ARHGAP15: variants seen among roughly 807,000 people sequenced by gnomAD.
ARHGAP15 encodes the protein Rho GTPase activating protein 15, also known as rho GTPase-activating protein 15.
Under a neutral mutation model 63.7 loss-of-function variants are expected in ARHGAP15, and 51 were observed. The ratio of observed to expected loss-of-function variants is 0.80; its 90% CI spans 0.64 to 1.01. The LOEUF is 1.01. Among genes scored for constraint, ARHGAP15 ranks in the 50% least tolerant of loss-of-function variants. The probability of loss-of-function intolerance (pLI) is 0.00; values close to 1 mark genes in which losing one functional copy is unlikely to be tolerated. For synonymous variants in ARHGAP15, 191 were observed against 193.8 expected, an observed-to-expected ratio of 0.99 and a Z score of 0.12; for missense variants, 560 against 564.6, an observed-to-expected ratio of 0.99 and a Z score of 0.08.
chr2:143,476,212 C>T (rs1047567843), intron 8 of ARHGAP15, among the ~76,000 whole-genome samples: 2 of 152,076 alleles, frequency 1.3e-5, no homozygotes, highest in African/African-American at 4.8e-5. Context: ...CTCCAAGAAG[C>T]CTGAGCTATG....
intron 6 of ARHGAP15, among the ~76,000 whole-genome samples, chr2:143,391,061 C>T (rs1307097127): frequency 6.6e-6 from 1 of 152,024 alleles, no homozygotes. Flanking sequence ...GGTGGAAGCG[C>T]GGTAGAATAT....
chr2:143,368,839 A>C (rs1408296047), intron 6 of ARHGAP15, among the ~76,000 whole-genome samples: 1 of 152,132 alleles, frequency 6.6e-6, no homozygotes, highest in African/African-American at 2.4e-5. Flanking sequence ...TATTAAGTTT[A>C]ATTTCATCCA....
Position 143,330,094 on chromosome 2 carries a change from C to CAAA in ARHGAP15, c.474+79529_474+79531dup, listed in dbSNP as rs1303438123. ...TGGGTGACAGAGCAAGGCTCTGTCTCAAAAAAAAAAAAAAAAAAAAAAAAA... is the reference window on the plus strand; with the variant it reads ...TGGGTGACAGAGCAAGGCTCTGTCTCAAAAAAAAAAAAAAAAAAAAAAAAAAAA... On this transcript the variant is annotated intron_variant, in intron 6 of 13. Coordinates refer to ENST00000295095, the MANE Select transcript of ARHGAP15 (RefSeq NM_018460.4). Among the ~76,000 whole-genome samples the CAAA allele has an allele frequency of 6.5e-3, 11 of 1,680 alleles. 1 individual carries two copies. The highest frequency in any genetic ancestry group is 0.012 in the Non-Finnish European group (9 of 726). The allele number at this position is 1,680 out of a possible 152,430, so 1.1% of individuals were successfully genotyped here.
chr2:143,305,295 G>A (rs1320989077), intron 6 of ARHGAP15: 1 of 149,114 alleles, frequency 6.7e-6, no homozygotes, highest in African/African-American at 2.5e-5. Context: ...GACACGGGGA[G>A]GGGAACATCA....
chr2:143,136,127 A>C (rs1689127230), intron 1 of ARHGAP15, among the ~76,000 whole-genome samples: 1 of 150,764 alleles, frequency 6.6e-6, no homozygotes. Context: ...CTCTCTTTTC[A>C]GGACAAGAGT....
At chr2:143,704,658 G>A (rs1229896935) in intron 13 of ARHGAP15, among the ~76,000 whole-genome samples, 2 of 152,150 alleles carry the variant, frequency 1.3e-5, no homozygotes, top group Non-Finnish European at 2.9e-5. Context: ...AGAGTGCAAC[G>A]CAAGTTATGA....
At chr2:143,530,597 T>G (rs960733767) in intron 10 of ARHGAP15, among the ~76,000 whole-genome samples, 2 of 139,798 alleles carry the variant, frequency 1.4e-5, no homozygotes, top group African/African-American at 2.7e-5. Context: ...CTTGTAAGTT[T>G]GTGTATAATT....
At chr2:143,422,819 G>C (rs375105157) in intron 6 of ARHGAP15, among the ~76,000 whole-genome samples, 1 of 152,022 alleles carries the variant, frequency 6.6e-6, no homozygotes, top group Non-Finnish European at 1.5e-5. Flanking sequence ...ACTACCAGCC[G>C]AGAGAGTCTG....
intron 13 of ARHGAP15, among the ~76,000 whole-genome samples, chr2:143,734,804 A>G (rs1685683000): frequency 6.6e-6 from 1 of 152,242 alleles, no homozygotes; most frequent in Non-Finnish European, 1.5e-5. Flanking sequence ...ATGGATATGT[A>G]TACATGAGTG....
At chr2:143,367,558 A>C (rs1686349262) in intron 6 of ARHGAP15, among the ~76,000 whole-genome samples, 1 of 151,970 alleles carries the variant, frequency 6.6e-6, no homozygotes. Flanking sequence ...AATGGCATTC[A>C]TTGCCTTTGG....
At position 143,436,969 on chromosome 2, in the gene ARHGAP15, C is replaced by G. The variant is rs1689640143; in HGVS notation, c.630C>G (p.Ser210=). The part of the protein sequence containing the change: ...RNLELFKIQR[S]SSTELLSHYD... The stretch of plus-strand genomic sequence containing the variant: ...TGGAATTATTCAAAATCCAAAGATC[C>G]TCTAGCACTGAATTGCTAAGTCACT... The change falls in exon 8 of 14, where the codon TCC becomes TCG. Residue 210 remains serine (S), a synonymous_variant. Transcript: ENST00000295095. The G allele has an allele frequency of 6.2e-7, 1 of 1,611,314 alleles. No homozygotes were observed.
intron 3 of ARHGAP15, among the ~76,000 whole-genome samples, chr2:143,210,292 T>G (rs1275675255): frequency 6.6e-6 from 1 of 151,296 alleles, no homozygotes; most frequent in African/African-American, 2.4e-5. Context: ...AAGGGTGCCT[T>G]CCTCAGCCTG....
chr2:143,253,056 A>C (rs1382110391), intron 6 of ARHGAP15, among the ~76,000 whole-genome samples: 1 of 152,146 alleles, frequency 6.6e-6, no homozygotes, highest in Non-Finnish European at 1.5e-5. Context: ...CATTGGAAAT[A>C]GCTTTAGAAT....
chr2:143,165,944 A>AAGAAAGAGAGAAAGAG (rs1337163027), intron 2 of ARHGAP15, among the ~76,000 whole-genome samples: 2 of 118,098 alleles, frequency 1.7e-5, no homozygotes, highest in Non-Finnish European at 3.6e-5. Flanking sequence ...AAAAGAAAAG[A>AAGAAAGAGAGAAAGAG]AGAAAGAAAG....
rs1695317702 is a variant in ARHGAP15 at position 143,546,135 on chromosome 2, G to A, written c.926-10273G>A. ...TTACAGTTCAGAATGAAAGGGGAGG[G>A]ACGTGGTTTGGGAATCCATTTTCCC... On this transcript the variant is annotated intron_variant, in intron 10 of 13. Transcript: ENST00000295095. 3.3e-5 allele frequency among the ~76,000 whole-genome samples: 5 copies of A among 152,220 alleles called. No individual in the cohort carries two copies. The South Asian group carries it at 1.0e-3, about 32-fold the overall frequency.
At chr2:143,437,672 A>T (rs558231041) in intron 8 of ARHGAP15, among the ~76,000 whole-genome samples, 1 of 152,336 alleles carries the variant, frequency 6.6e-6, no homozygotes, top group East Asian at 1.9e-4. Flanking sequence ...AAAAGGGGTT[A>T]TTAAAATATG....
At chr2:143,388,791 G>A (rs975958968) in intron 6 of ARHGAP15, among the ~76,000 whole-genome samples, 2 of 152,010 alleles carry the variant, frequency 1.3e-5, no homozygotes, top group African/African-American at 4.8e-5. Context: ...CGTGTCCAAT[G>A]TACAGCAGTA....
intron 12 of ARHGAP15, among the ~76,000 whole-genome samples, chr2:143,687,174 TAAAG>T (rs1363795897): frequency 2.0e-5 from 3 of 152,114 alleles, no homozygotes; most frequent in African/African-American, 7.2e-5. Context: ...CTATTTTTCT[TAAAG>T]AAAAGAGGGA....
chr2:143,479,642 A>G (rs1170631597), intron 8 of ARHGAP15, among the ~76,000 whole-genome samples: 1 of 152,116 alleles, frequency 6.6e-6, no homozygotes, highest in Non-Finnish European at 1.5e-5. Flanking sequence ...CAAGTGACAA[A>G]GTTTTACTGA....
Sources: gnomAD v4.1 joint callset for allele counts (sites outside exome capture counted in the v4.1 genomes callset) on GRCh38, gnomAD v4.1.1 for gene constraint, MANE v1.5 for transcripts, NCBI Gene and HGNC (gene_info 2026-07-23, HGNC 2026-07-21) for gene names.